GRB10: variants seen among roughly 807,000 people sequenced by gnomAD.
GRB10 encodes growth factor receptor-bound protein 10.
In GRB10, 20 loss-of-function variants were observed where a neutral mutation model predicts 80.9. That is an observed-to-expected ratio of 0.25 (90% CI 0.17 to 0.36). GRB10 has a LOEUF of 0.36. Among genes scored for constraint, GRB10 ranks in the 10% least tolerant of loss-of-function variants. The pLI is 1.00. For missense variants in GRB10, 548 were observed against 747.7 expected, an observed-to-expected ratio of 0.73 and a Z score of 3.12; for synonymous variants, 291 against 291.5, an observed-to-expected ratio of 1.00 and a Z score of 0.02.
intron 5 of GRB10, among the ~76,000 whole-genome samples, chr7:50,702,932 C>A (rs3779072): frequency 1.3e-5 from 2 of 152,072 alleles, no homozygotes; most frequent in South Asian, 4.1e-4. Context: ...AATGAGATCA[C>A]TTGTGAGCAT....
chr7:50,617,926 C>G (rs538058857), intron 10 of GRB10, 145 bp downstream of exon 10: 95 of 755,490 alleles, frequency 1.3e-4, no homozygotes, highest in Middle Eastern at 1.1e-3. Flanking sequence ...AACCCTCCCC[C>G]CAACCACCCC....
At chr7:50,678,358 A>G (rs1181553585) in intron 5 of GRB10, among the ~76,000 whole-genome samples, 1 of 152,264 alleles carries the variant, frequency 6.6e-6, no homozygotes, top group African/African-American at 2.4e-5. Context: ...TCAATCTGGT[A>G]ACTCAATAGG....
At chr7:50,793,428 G>C (rs1307821316) in exon 1 of GRB10, 1 of 148,158 alleles carries the variant, frequency 6.7e-6, no homozygotes, top group East Asian at 2.0e-4. Flanking sequence ...CCCGGCCGCA[G>C]CTCGCTTCCC....
chr7:50,606,773 A>C (rs2048613020), intron 13 of GRB10: 1 of 322,654 alleles, frequency 3.1e-6, no homozygotes, highest in Non-Finnish European at 6.0e-6. Context: ...TATTAAGAAA[A>C]TCATAAGAGA....
intron 7 of GRB10, among the ~76,000 whole-genome samples, chr7:50,628,045 G>A (rs544043516): frequency 3.3e-5 from 5 of 152,278 alleles, no homozygotes; most frequent in South Asian, 4.1e-4. Flanking sequence ...GACAAGACCC[G>A]GACTTGGGGG....
At chr7:50,748,097 G>T (rs530723263) in intron 3 of GRB10, among the ~76,000 whole-genome samples, 3 of 152,202 alleles carry the variant, frequency 2.0e-5, no homozygotes, top group Non-Finnish European at 4.4e-5. Context: ...GATGATGCTG[G>T]TGACACTGTT....
At position 50,781,510 on chromosome 7, in the gene GRB10, G is replaced by C. The variant is rs998943737; in HGVS notation, c.-326-774C>G. 2.0e-5 allele frequency: 3 copies of C among 152,182 alleles called. No homozygotes were observed. In the East Asian group the frequency reaches 5.8e-4, roughly 29 times the overall value. The allele number at this position is 152,182 out of a possible 1,614,324, so 9.4% of individuals were successfully genotyped here. A position where few individuals can be genotyped will look rare whatever the true frequency, so the allele number is the denominator to read the frequency against. The stretch of plus-strand genomic sequence containing the variant: ...CCAGCACGTCATAATCCCTGCAGTC[G>C]CTGCCTTTCAGACTTAAAAAGAACA... On this transcript the variant is annotated intron_variant, in intron 1 of 18. Transcript: ENST00000401949.
chr7:50,772,548 T>C (rs1053685658), intron 2 of GRB10, among the ~76,000 whole-genome samples: 1 of 152,232 alleles, frequency 6.6e-6, no homozygotes, highest in Admixed American at 6.5e-5. Flanking sequence ...TTGTCACTTC[T>C]ACTTAACACA....
intron 4 of GRB10, among the ~76,000 whole-genome samples, chr7:50,707,752 C>A (rs2153671646): frequency 6.6e-6 from 1 of 152,304 alleles, no homozygotes; most frequent in East Asian, 1.9e-4. Flanking sequence ...CTCCAGATCA[C>A]CCAGGGCCTG....
chr7:50,603,961 T>C, intron 17 of GRB10, 37 bp downstream of exon 17: 1 of 1,438,184 alleles, frequency 7.0e-7, no homozygotes, highest in African/African-American at 1.4e-5. Flanking sequence ...AATAAAACCT[T>C]AGCAGATGAC....
At chr7:50,636,013 C>A (rs1410030532) in intron 7 of GRB10, among the ~76,000 whole-genome samples, 1 of 113,668 alleles carries the variant, frequency 8.8e-6, no homozygotes, top group African/African-American at 3.3e-5. Flanking sequence ...CATTCTGTCT[C>A]CCAGGCTGGA....
chr7:50,627,115 C>A lies in GRB10; in HGVS notation c.505-137G>T, dbSNP rs1023298727. On this transcript the variant is annotated intron_variant, in intron 7 of 18. Coordinates refer to ENST00000401949, the MANE Select transcript of GRB10 (RefSeq NM_001350814.2). The stretch of plus-strand genomic sequence containing the variant: ...GGCAACTGTTTTTCCAGGCAGCCAA[C>A]AGGTCCCCACCAGCTGCAGGGATGT... 3.5e-6 allele frequency: 3 copies of A among 846,838 alleles called. No individual in the cohort carries two copies. The African/African-American group carries it at 5.0e-5, about 14-fold the overall frequency. The allele number at this position is 846,838 out of a possible 1,614,324, so 52.5% of individuals were successfully genotyped here.
intron 2 of GRB10, among the ~76,000 whole-genome samples, chr7:50,773,305 C>T (rs913520855): frequency 8.2e-5 from 12 of 146,130 alleles, no homozygotes; most frequent in Admixed American, 6.3e-4. Flanking sequence ...AACGATGTAA[C>T]ACCTATTAGG....
chr7:50,625,602 C>G (rs2052731660), intron 8 of GRB10, among the ~76,000 whole-genome samples: 1 of 152,184 alleles, frequency 6.6e-6, no homozygotes, highest in African/African-American at 2.4e-5. Flanking sequence ...TGGTCACTAA[C>G]TGTGGACCTA....
intron 7 of GRB10, among the ~76,000 whole-genome samples, chr7:50,641,793 C>T (rs2056313020): frequency 6.6e-6 from 1 of 152,216 alleles, no homozygotes; most frequent in Non-Finnish European, 1.5e-5. Context: ...AGAGAAGGCA[C>T]TGGGACTGCT....
At chr7:50,676,251 T>TGGGCCCA (rs1051831620) in intron 5 of GRB10, among the ~76,000 whole-genome samples, 2 of 148,486 alleles carry the variant, frequency 1.3e-5, no homozygotes, top group African/African-American at 2.5e-5. Context: ...CTAGTAGCTC[T>TGGGCCCA]GGGCCCAGGG....
intron 8 of GRB10, among the ~76,000 whole-genome samples, chr7:50,619,871 C>A (rs12537913): frequency 2.6e-5 from 4 of 152,072 alleles, no homozygotes; most frequent in Non-Finnish European, 5.9e-5. Context: ...CCGAATTACA[C>A]GTGAAGGCAG....
At chr7:50,779,524 A>AG (rs1431101750) in intron 2 of GRB10, 3 of 152,184 alleles carry the variant, frequency 2.0e-5, no homozygotes, top group Non-Finnish European at 4.4e-5. Context: ...CTTCCTACAC[A>AG]GATTTCATTA....
intron 17 of GRB10, chr7:50,595,946 C>A: frequency 5.8e-6 from 1 of 172,220 alleles, no homozygotes; most frequent in South Asian, 1.4e-4. Flanking sequence ...AATCATAACC[C>A]ATGAAATCGG....
Sources: gnomAD v4.1 joint callset for allele counts (sites outside exome capture counted in the v4.1 genomes callset) on GRCh38, gnomAD v4.1.1 for gene constraint, MANE v1.5 for transcripts, NCBI Gene and HGNC (gene_info 2026-07-23, HGNC 2026-07-21) for gene names.